EEFSEC: variants seen among roughly 807,000 people sequenced by gnomAD.
EEFSEC encodes the protein selenocysteine-specific elongation factor.
Under a neutral mutation model 42.1 loss-of-function variants are expected in EEFSEC, and 43 were observed. That is an observed-to-expected ratio of 1.02 (90% CI 0.80 to 1.32). The LOEUF is 1.32. EEFSEC is among the 40% of genes most tolerant of loss of function. EEFSEC has a pLI of 0.00. For synonymous variants in EEFSEC, 354 were observed against 339.1 expected (o/e 1.04, Z -0.48); for missense variants, 745 against 803.6 (o/e 0.93, Z 0.88).
intron 6 of EEFSEC, among the ~76,000 whole-genome samples, chr3:128,385,990 GA>G (rs1344965575): frequency 1.3e-5 from 2 of 152,228 alleles, no homozygotes; most frequent in Non-Finnish European, 2.9e-5. Flanking sequence ...AGCCCCCAAA[GA>G]ATGTTCACAG....
At chr3:128,293,682 A>AAAC (rs1559906676) in intron 4 of EEFSEC, among the ~76,000 whole-genome samples, 3 of 150,000 alleles carry the variant, frequency 2.0e-5, no homozygotes, top group Non-Finnish European at 3.0e-5. Flanking sequence ...AAAAAAAAAA[A>AAAC]AAAAACTTCC....
At chr3:128,214,585 T>C (rs1310122693) in intron 1 of EEFSEC, among the ~76,000 whole-genome samples, 1 of 152,224 alleles carries the variant, frequency 6.6e-6, no homozygotes, top group Non-Finnish European at 1.5e-5. Context: ...TTATATAAAA[T>C]GAGGTGGCTA....
At chr3:128,348,291 T>C (rs538573015) in intron 5 of EEFSEC, among the ~76,000 whole-genome samples, 8 of 151,988 alleles carry the variant, frequency 5.3e-5, no homozygotes, top group East Asian at 1.9e-4. Flanking sequence ...TGTGTGTGTG[T>C]GCGTGTGTGT....
intron 4 of EEFSEC, among the ~76,000 whole-genome samples, chr3:128,290,619 G>A (rs2066633018): frequency 1.3e-5 from 2 of 151,036 alleles, no homozygotes; most frequent in African/African-American, 4.9e-5. Flanking sequence ...CATGGAATCT[G>A]TAGATCACAA....
rs1381403885 is a variant in EEFSEC at position 128,363,333 on chromosome 3, C to T, written c.1600+4960C>T. ...AGCCAGAACAAAGCAGACACTTGGGCAAAGGTAGCAAACATCCACACCTGA... is the reference window on the plus strand; with the variant it reads ...AGCCAGAACAAAGCAGACACTTGGGTAAAGGTAGCAAACATCCACACCTGA... On this transcript the variant is annotated intron_variant, in intron 6 of 6. Transcript: ENST00000254730. Among the ~76,000 whole-genome samples the T allele has an allele frequency of 2.6e-5, 4 of 152,332 alleles. No individual in the cohort carries two copies. The East Asian group carries it at 7.7e-4, about 29-fold the overall frequency.
rs1016089019 is a variant in EEFSEC, at chr3:128,172,851, T to C, written c.316+19028T>C. The stretch of plus-strand genomic sequence containing the variant: ...CCATGCTGCCGCCTCGATCCTCTGA[T>C]AGCAATCGAGGAGAAAAGCTGGGTT... On this transcript the variant is annotated intron_variant, in intron 1 of 6. Coordinates refer to ENST00000254730, the MANE Select transcript of EEFSEC (RefSeq NM_021937.5). Among the ~76,000 whole-genome samples, 5 of 152,358 alleles carry C rather than the reference T, an allele frequency of 3.3e-5. No homozygotes were observed. The South Asian group carries it at 1.0e-3, about 32-fold the overall frequency.
At chr3:128,282,548 C>T (rs2066538778) in intron 4 of EEFSEC, among the ~76,000 whole-genome samples, 1 of 152,254 alleles carries the variant, frequency 6.6e-6, no homozygotes, top group Non-Finnish European at 1.5e-5. Context: ...AGGACACGTG[C>T]ACATGTGCAC....
chr3:128,389,178 C>T (rs952289525), intron 6 of EEFSEC, among the ~76,000 whole-genome samples: 9 of 152,204 alleles, frequency 5.9e-5, no homozygotes, highest in African/African-American at 1.9e-4. Flanking sequence ...CATCTTAACC[C>T]AGCTAAGGAG....
At chr3:128,309,798 G>T (rs2066871341) in intron 4 of EEFSEC, among the ~76,000 whole-genome samples, 1 of 152,190 alleles carries the variant, frequency 6.6e-6, no homozygotes. Context: ...GAGGTGCTTT[G>T]CAGGAAGGGC....
chr3:128,188,473 G>A (rs2065487186), intron 1 of EEFSEC, among the ~76,000 whole-genome samples: 2 of 152,118 alleles, frequency 1.3e-5, no homozygotes, highest in South Asian at 4.1e-4. Context: ...TTGGATTCCT[G>A]GCTAGCTGCC....
intron 1 of EEFSEC, among the ~76,000 whole-genome samples, chr3:128,191,212 G>A (rs1194297681): frequency 6.6e-6 from 1 of 152,058 alleles, no homozygotes; most frequent in East Asian, 1.9e-4. Context: ...CCATGTCGTG[G>A]TTTCATCTAT....
intron 4 of EEFSEC, among the ~76,000 whole-genome samples, chr3:128,287,804 G>A (rs2066602056): frequency 9.9e-5 from 15 of 152,202 alleles, no homozygotes. Context: ...TTCAAACTAT[G>A]TAAAAGATGT....
At chr3:128,174,629 G>A (rs993967112) in intron 1 of EEFSEC, among the ~76,000 whole-genome samples, 2 of 152,186 alleles carry the variant, frequency 1.3e-5, no homozygotes, top group Admixed American at 1.3e-4. Flanking sequence ...TATTACTGTG[G>A]ACGTGTAGCT....
At chr3:128,269,043 A>G (rs1314887029) in intron 4 of EEFSEC, among the ~76,000 whole-genome samples, 1 of 152,150 alleles carries the variant, frequency 6.6e-6, no homozygotes, top group Non-Finnish European at 1.5e-5. Flanking sequence ...CCTGCTCACC[A>G]TCTTGGGCTT....
At chr3:128,182,528 G>A (rs905121371) in intron 1 of EEFSEC, among the ~76,000 whole-genome samples, 5 of 152,148 alleles carry the variant, frequency 3.3e-5, no homozygotes, top group African/African-American at 7.2e-5. Flanking sequence ...ATTTGTGAGC[G>A]TGTTTTGGAG....
chr3:128,346,410 G>A (rs1359042154), intron 5 of EEFSEC, among the ~76,000 whole-genome samples: 1 of 152,210 alleles, frequency 6.6e-6, no homozygotes, highest in African/African-American at 2.4e-5. Context: ...CTGCTATGAT[G>A]AAATATACTG....
chr3:128,309,380 A>G (rs906695641), intron 4 of EEFSEC, among the ~76,000 whole-genome samples: 6 of 152,156 alleles, frequency 3.9e-5, no homozygotes, highest in African/African-American at 1.2e-4. Flanking sequence ...CAGGAAAATC[A>G]AGGATAATGT....
intron 1 of EEFSEC, among the ~76,000 whole-genome samples, chr3:128,244,630 C>T (rs2066107756): frequency 6.6e-6 from 1 of 152,010 alleles, no homozygotes; most frequent in Non-Finnish European, 1.5e-5. Flanking sequence ...GAAAAGGAAC[C>T]GAAGAATGTA....
intron 6 of EEFSEC, among the ~76,000 whole-genome samples, chr3:128,376,894 CTG>C (rs1486185585): frequency 1.3e-5 from 2 of 152,196 alleles, no homozygotes; most frequent in African/African-American, 4.8e-5. Context: ...AACCCTCACA[CTG>C]TGGGCTAATT....
Sources: gnomAD v4.1 joint callset for allele counts (sites outside exome capture counted in the v4.1 genomes callset) on GRCh38, gnomAD v4.1.1 for gene constraint, MANE v1.5 for transcripts, NCBI Gene and HGNC (gene_info 2026-07-23, HGNC 2026-07-21) for gene names.